The following CDK6 variants were observed in gnomAD, a reference collection of about 807,000 sequenced individuals.
CDK6 encodes the protein cyclin-dependent kinase 6.
Under a neutral mutation model 37.1 loss-of-function variants are expected in CDK6, and 6 were observed. That is an observed-to-expected ratio of 0.16 (90% CI 0.09 to 0.32). The LOEUF (loss-of-function observed/expected upper bound fraction) is 0.32. Among genes scored for constraint, CDK6 ranks in the 10% least tolerant of loss-of-function variants. The pLI, the probability that CDK6 is intolerant of heterozygous loss-of-function variation, is 1.00. For synonymous variants in CDK6, 160 were observed against 161.3 expected, an observed-to-expected ratio of 0.99 and a Z score of 0.06; for missense variants, 224 against 418.9, an observed-to-expected ratio of 0.53 and a Z score of 4.06.
At chr7:92,764,867 T>G (rs1463431155) in intron 3 of CDK6, among the ~76,000 whole-genome samples, 3 of 152,250 alleles carry the variant, frequency 2.0e-5, no homozygotes, top group Non-Finnish European at 4.4e-5. Flanking sequence ...AGATAACTGA[T>G]GGATACCTAC....
rs1199410067 is a variant in CDK6, at chr7:92,676,956, C to CA, written c.538-5422dup. Among the ~76,000 whole-genome samples, 358 of 64,894 alleles carry CA rather than the reference C, an allele frequency of 5.5e-3. 1 individual carries two copies. The highest frequency in any genetic ancestry group is 0.012 in the East Asian group (29 of 2,382). 42.6% of individuals were successfully genotyped at this position (64,894 alleles called of 152,430 possible). On this transcript the variant is annotated intron_variant, in intron 4 of 7. Coordinates refer to ENST00000424848, the MANE Select transcript of CDK6 (RefSeq NM_001145306.2). The stretch of plus-strand genomic sequence containing the variant: ...CCTGGGCGACAGAGAGACTCCGTCT[C>CA]AAAAAAAAAAAAAAAAGAAAGAAAA...
chr7:92,628,151 T>C (rs546839765), intron 5 of CDK6, among the ~76,000 whole-genome samples: 2 of 152,074 alleles, frequency 1.3e-5, no homozygotes, highest in African/African-American at 4.8e-5. Flanking sequence ...AAAATGTCTA[T>C]GCATGCAAAA....
Position 92,610,114 on chromosome 7 carries a change from A to C in CDK6, c.*5026T>G, listed in dbSNP as rs1454824735. 1.3e-5 allele frequency: 3 copies of C among 230,796 alleles called. No homozygotes were observed. The highest frequency in any genetic ancestry group is 5.6e-5 in the Admixed American group (1 of 17,722). The allele number at this position is 230,796 out of a possible 1,614,324, so 14.3% of individuals were successfully genotyped here. A position where few individuals can be genotyped will look rare whatever the true frequency, so the allele number is the denominator to read the frequency against. ...CCACCTTGTGGAATATACCGGAATAAAACAAGAAAGCTCATCTCTTAGGAC... is the reference window on the plus strand; with the variant it reads ...CCACCTTGTGGAATATACCGGAATACAACAAGAAAGCTCATCTCTTAGGAC... On this transcript the variant is annotated 3_prime_UTR_variant, in exon 8 of 8. Coordinates refer to ENST00000424848, the MANE Select transcript of CDK6 (RefSeq NM_001145306.2).
chr7:92,718,488 T>C (rs1240814668), intron 4 of CDK6, among the ~76,000 whole-genome samples: 2 of 152,122 alleles, frequency 1.3e-5, no homozygotes, highest in Non-Finnish European at 1.5e-5. Context: ...GCATAAACAA[T>C]TTATTTTCTC....
chr7:92,762,008 C>T (rs1488354147), intron 3 of CDK6, among the ~76,000 whole-genome samples: 9 of 152,160 alleles, frequency 5.9e-5, no homozygotes, highest in Non-Finnish European at 2.9e-5. Context: ...CAAAACTTAA[C>T]TGATATTTAT....
At chr7:92,733,978 G>A (rs1264848439) in intron 3 of CDK6, among the ~76,000 whole-genome samples, 1 of 152,116 alleles carries the variant, frequency 6.6e-6, no homozygotes, top group African/African-American at 2.4e-5. Context: ...GACTACAGGT[G>A]TGCACCATCG....
chr7:92,619,810 T>C (rs1478051617), intron 6 of CDK6, among the ~76,000 whole-genome samples: 1 of 151,918 alleles, frequency 6.6e-6, no homozygotes, highest in African/African-American at 2.4e-5. Context: ...ACATATTTAC[T>C]AGAAGCAATA....
intron 3 of CDK6, among the ~76,000 whole-genome samples, chr7:92,762,441 A>G (rs1208678245): frequency 6.6e-6 from 1 of 152,122 alleles, no homozygotes; most frequent in African/African-American, 2.4e-5. Flanking sequence ...CTCAACAAAC[A>G]TTTCAAGTCT....
Position 92,675,636 on chromosome 7 carries a change from T to C in CDK6, c.538-4101A>G, listed in dbSNP as rs183385979. On this transcript the variant is annotated intron_variant, in intron 4 of 7. Coordinates refer to ENST00000424848, the MANE Select transcript of CDK6 (RefSeq NM_001145306.2). Reference sequence around the variant, plus strand: ...ATATTCAAGCTTCCAATCTTTATTATATTCTGGAATAGTACAAACAACAGA... The same window carrying C: ...ATATTCAAGCTTCCAATCTTTATTACATTCTGGAATAGTACAAACAACAGA... Among the ~76,000 whole-genome samples the C allele has an allele frequency of 3.2e-3, 493 of 152,328 alleles. 1 individual carries two copies. The highest frequency in any genetic ancestry group is 0.011 in the African/African-American group (467 of 41,584).
intron 2 of CDK6, among the ~76,000 whole-genome samples, chr7:92,807,429 C>A (rs972973244): frequency 1.3e-5 from 2 of 151,554 alleles, no homozygotes; most frequent in Admixed American, 1.3e-4. Context: ...GATAGATATA[C>A]ATCTCTTTAT....
intron 5 of CDK6, among the ~76,000 whole-genome samples, chr7:92,655,647 G>A (rs942937590): frequency 2.3e-4 from 35 of 152,280 alleles, no homozygotes; most frequent in Admixed American, 1.1e-3. Context: ...TCAAAGTATT[G>A]GATCTCCTCC....
At chr7:92,617,146 G>A (rs1795699955) in intron 7 of CDK6, among the ~76,000 whole-genome samples, 2 of 152,152 alleles carry the variant, frequency 1.3e-5, no homozygotes, top group South Asian at 2.1e-4. Flanking sequence ...ACCATAGGGG[G>A]AGCATTCTTT....
At chr7:92,619,806 T>C (rs1013084567) in intron 6 of CDK6, among the ~76,000 whole-genome samples, 1 of 151,940 alleles carries the variant, frequency 6.6e-6, no homozygotes, top group East Asian at 1.9e-4. Context: ...ATGGACATAT[T>C]TACTAGAAGC....
Position 92,695,995 on chromosome 7 carries a change from CA to C in CDK6, c.538-24461del, listed in dbSNP as rs143078601. On this transcript the variant is annotated intron_variant, in intron 4 of 7. Coordinates refer to ENST00000424848, the MANE Select transcript of CDK6 (RefSeq NM_001145306.2). ...CTGGATTAAGAAAGAAGCATGTATTCAATCTGCTGTCAGACCCACGGACATG... is the reference window on the plus strand; with the variant it reads ...CTGGATTAAGAAAGAAGCATGTATTCATCTGCTGTCAGACCCACGGACATG... Among the ~76,000 whole-genome samples the C allele has an allele frequency of 9.3e-3, 1,421 of 152,350 alleles. 22 individuals are homozygous for C. The highest frequency in any genetic ancestry group is 0.029 in the African/African-American group (1,215 of 41,578).
intron 4 of CDK6, among the ~76,000 whole-genome samples, chr7:92,706,702 T>C (rs1022870557): frequency 6.6e-6 from 1 of 152,166 alleles, no homozygotes; most frequent in African/African-American, 2.4e-5. Context: ...ACTGGATTTC[T>C]GGGACTCTGA....
At chr7:92,741,670 TTAG>T (rs1798928999) in intron 3 of CDK6, among the ~76,000 whole-genome samples, 1 of 152,172 alleles carries the variant, frequency 6.6e-6, no homozygotes, top group African/African-American at 2.4e-5. Flanking sequence ...ACTTTTTAAG[TTAG>T]TAGCCAGCAG....
chr7:92,634,474 A>AG (rs1796124507), intron 5 of CDK6, among the ~76,000 whole-genome samples: 1 of 134,850 alleles, frequency 7.4e-6, no homozygotes, highest in Non-Finnish European at 1.7e-5. Flanking sequence ...TCTCTTCATA[A>AG]CTTTTTTTTT....
rs1412515491 is a variant in CDK6 at position 92,606,718 on chromosome 7, A to G, written c.*8422T>C. Reference sequence around the variant, plus strand: ...TACTGTATGTGACAGTCTTCCTGAAACCTAAGAGAAAGTTTTAACCAGGCC... The same window carrying G: ...TACTGTATGTGACAGTCTTCCTGAAGCCTAAGAGAAAGTTTTAACCAGGCC... On this transcript the variant is annotated 3_prime_UTR_variant, in exon 8 of 8. Transcript: ENST00000424848. 4.3e-6 allele frequency: 1 copy of G among 233,116 alleles called. No homozygotes were observed. Among genetic ancestry groups the G allele is most frequent in the Non-Finnish European group, 8.5e-6 (1 of 118,022 alleles). The allele number at this position is 233,116 out of a possible 1,614,324, so 14.4% of individuals were successfully genotyped here.
intron 4 of CDK6, among the ~76,000 whole-genome samples, chr7:92,684,063 T>C (rs1320880306): frequency 6.6e-6 from 1 of 152,212 alleles, no homozygotes; most frequent in African/African-American, 2.4e-5. Flanking sequence ...GAAGATGTAA[T>C]GTACTGCGCT....
Sources: gnomAD v4.1 joint callset for allele counts (sites outside exome capture counted in the v4.1 genomes callset) on GRCh38, gnomAD v4.1.1 for gene constraint, MANE v1.5 for transcripts, NCBI Gene and HGNC (gene_info 2026-07-23, HGNC 2026-07-21) for gene names.